MTHFD1L: variants seen among roughly 807,000 people sequenced by gnomAD.
MTHFD1L encodes the protein monofunctional C1-tetrahydrofolate synthase, mitochondrial.
Under a neutral mutation model 119.5 loss-of-function variants are expected in MTHFD1L, and 81 were observed. The observed-to-expected ratio is 0.68, with a 90% CI of 0.57 to 0.82. MTHFD1L has a LOEUF of 0.82. MTHFD1L is among the 40% of genes least tolerant of loss of function. MTHFD1L has a pLI of 0.00. For missense variants in MTHFD1L, 1,125 were observed against 1,253.4 expected (o/e 0.90, Z 1.55); for synonymous variants, 430 against 475.2 (o/e 0.90, Z 1.24).
chr6:151,015,692 A>G lies in MTHFD1L; in HGVS notation c.2585A>G (p.Gln862Arg), dbSNP rs1486114068. Residue 862 changes from glutamine to arginine, a missense_variant and splice_region_variant, in exon 24 of 28, where the codon CAG becomes CGG. Transcript: ENST00000367321. ...CGATTCCAGTTCCTGTATGATGTTC[A>G]GGTAAGATCTAGTAAAAACAATGGC... ...RSRFQFLYDV[Q>R]VPIVDKIRTI... 1.9e-6 allele frequency: 3 copies of G among 1,613,010 alleles called. No homozygotes were observed. In the African/African-American group the frequency reaches 4.0e-5, roughly 22 times the overall value.
At chr6:151,093,816 A>C (rs2080015967) in intron 27 of MTHFD1L, among the ~76,000 whole-genome samples, 1 of 152,192 alleles carries the variant, frequency 6.6e-6, no homozygotes, top group Non-Finnish European at 1.5e-5. Flanking sequence ...AGACCATTTA[A>C]CTAGAGGGCC....
At chr6:150,891,941 T>C (rs1056426768) in intron 7 of MTHFD1L, among the ~76,000 whole-genome samples, 7 of 152,200 alleles carry the variant, frequency 4.6e-5, no homozygotes, top group Admixed American at 3.9e-4. Context: ...TAAATTGTAA[T>C]CGTGCCAGGG....
intron 10 of MTHFD1L, among the ~76,000 whole-genome samples, chr6:150,925,559 A>G (rs1789802342): frequency 6.6e-6 from 1 of 152,222 alleles, no homozygotes. Flanking sequence ...TAATTAATAA[A>G]ACATTTTGAA....
chr6:151,016,476 C>G (rs1182375357), intron 24 of MTHFD1L, among the ~76,000 whole-genome samples: 1 of 151,984 alleles, frequency 6.6e-6, no homozygotes, highest in Non-Finnish European at 1.5e-5. Context: ...CACCTGCCAA[C>G]ACGTCTGGCT....
chr6:151,030,203 A>C (rs916647281), intron 24 of MTHFD1L, among the ~76,000 whole-genome samples: 9 of 152,212 alleles, frequency 5.9e-5, no homozygotes, highest in African/African-American at 2.2e-4. Flanking sequence ...GGGAGGTTAC[A>C]TGATTTAACC....
At chr6:150,989,399 A>G (rs186022621) in intron 20 of MTHFD1L, among the ~76,000 whole-genome samples, 9 of 152,344 alleles carry the variant, frequency 5.9e-5, no homozygotes, top group Admixed American at 3.9e-4. Flanking sequence ...GTTATTATTC[A>G]TCATTATTCT....
chr6:151,004,211 G>C (rs1490505652), intron 20 of MTHFD1L, among the ~76,000 whole-genome samples: 2 of 151,958 alleles, frequency 1.3e-5, no homozygotes, highest in Non-Finnish European at 2.9e-5. Context: ...TGTAATCCCA[G>C]TTACTTGGGA....
intron 1 of MTHFD1L, among the ~76,000 whole-genome samples, chr6:150,870,297 C>T (rs1779179228): frequency 6.6e-6 from 1 of 152,154 alleles, no homozygotes; most frequent in Non-Finnish European, 1.5e-5. Flanking sequence ...TTTATTGAGC[C>T]TAATGACTCC....
At chr6:150,907,124 G>T (rs972267318) in intron 8 of MTHFD1L, among the ~76,000 whole-genome samples, 1 of 151,640 alleles carries the variant, frequency 6.6e-6, no homozygotes, top group African/African-American at 2.4e-5. Context: ...GTAAATGAAT[G>T]CTGCTTTGCT....
intron 4 of MTHFD1L, among the ~76,000 whole-genome samples, chr6:150,881,795 A>G (rs1326625910): frequency 6.6e-6 from 1 of 152,222 alleles, no homozygotes; most frequent in East Asian, 1.9e-4. Context: ...ACTGATACAG[A>G]GTAAGTGCTC....
At chr6:150,950,393 C>A (rs1794675762) in intron 16 of MTHFD1L, among the ~76,000 whole-genome samples, 3 of 152,232 alleles carry the variant, frequency 2.0e-5, no homozygotes, top group Admixed American at 2.0e-4. Flanking sequence ...TCTGGGAATC[C>A]ACCCAGCCAG....
chr6:150,993,211 T>C (rs920515462), intron 20 of MTHFD1L, among the ~76,000 whole-genome samples: 2 of 152,234 alleles, frequency 1.3e-5, no homozygotes, highest in Non-Finnish European at 2.9e-5. Context: ...TCTAAAAATA[T>C]TTTAAACAAG....
At chr6:151,099,004 C>G (rs1425657204) in intron 27 of MTHFD1L, among the ~76,000 whole-genome samples, 1 of 151,998 alleles carries the variant, frequency 6.6e-6, no homozygotes, top group Non-Finnish European at 1.5e-5. Context: ...GGTGAAACCC[C>G]ATCTCTACTA....
chr6:151,054,631 T>A (rs1189660607), intron 26 of MTHFD1L, among the ~76,000 whole-genome samples: 1 of 152,174 alleles, frequency 6.6e-6, no homozygotes, highest in African/African-American at 2.4e-5. Context: ...TGACTTGTAA[T>A]TTTTTCCCCT....
intron 26 of MTHFD1L, among the ~76,000 whole-genome samples, chr6:151,091,601 T>G (rs1249344408): frequency 6.6e-6 from 1 of 152,170 alleles, no homozygotes; most frequent in Non-Finnish European, 1.5e-5. Flanking sequence ...CATGCCTAAG[T>G]GTCCTCTGTC....
intron 11 of MTHFD1L, among the ~76,000 whole-genome samples, chr6:150,929,109 C>T (rs533239838): frequency 5.3e-5 from 8 of 152,300 alleles, no homozygotes; most frequent in Non-Finnish European, 8.8e-5. Context: ...CCTCTGGGCC[C>T]ACACCCTGCA....
intron 18 of MTHFD1L, among the ~76,000 whole-genome samples, chr6:150,964,559 T>C (rs1332156481): frequency 6.6e-6 from 1 of 152,228 alleles, no homozygotes; most frequent in African/African-American, 2.4e-5. Context: ...ACTTCATTCC[T>C]GCTCTGTACA....
Position 151,039,297 on chromosome 6 carries a change from TTCAGA to T in MTHFD1L, c.2847+2185_2847+2189del, listed in dbSNP as rs1488223644. Among the ~76,000 whole-genome samples the T allele has an allele frequency of 1.3e-5, 2 of 152,044 alleles. No homozygotes were observed. The highest frequency in any genetic ancestry group is 2.9e-5 in the Non-Finnish European group (2 of 67,998). On this transcript the variant is annotated intron_variant, in intron 26 of 27. Coordinates refer to ENST00000367321, the MANE Select transcript of MTHFD1L (RefSeq NM_015440.5). This position sits in a 1 kb window ranked among gnomAD's most constrained non-coding sequence, Gnocchi z 4.4. Reference sequence around the variant, plus strand: ...CTGAATGACATTTTCAGGTCTACAGTTCAGATCAGTGGTTGCCAGGAGTTGGGGGA... The same window carrying T: ...CTGAATGACATTTTCAGGTCTACAGTTCAGTGGTTGCCAGGAGTTGGGGGA...
chr6:150,866,904 A>G (rs893059808), intron 1 of MTHFD1L, among the ~76,000 whole-genome samples: 3 of 152,118 alleles, frequency 2.0e-5, no homozygotes, highest in Non-Finnish European at 4.4e-5. Context: ...TGGGGGTGGC[A>G]AGAAAGCCCC....
Sources: gnomAD v4.1 joint callset for allele counts (sites outside exome capture counted in the v4.1 genomes callset) on GRCh38, gnomAD v4.1.1 for gene constraint, Gnocchi (gnomAD v3.1) non-coding constraint, MANE v1.5 for transcripts, NCBI Gene and HGNC (gene_info 2026-07-23, HGNC 2026-07-21) for gene names.